Variants in LHCGR observed in about 807,000 individuals in gnomAD.
LHCGR encodes luteinizing hormone/choriogonadotropin receptor, also known as lutropin-choriogonadotropic hormone receptor.
Under a neutral mutation model 60.7 loss-of-function variants are expected in LHCGR, and 55 were observed. That is an observed-to-expected ratio of 0.91 (90% CI 0.73 to 1.13). The LOEUF (loss-of-function observed/expected upper bound fraction) is 1.13, where lower values mean the gene tolerates loss of function less well. LHCGR is among the 50% of genes most tolerant of loss of function. LHCGR has a pLI of 0.00. For missense variants in LHCGR, 862 were observed against 836.0 expected, an observed-to-expected ratio of 1.03 and a Z score of -0.38; for synonymous variants, 337 against 316.5, an observed-to-expected ratio of 1.06 and a Z score of -0.69.
chr2:48,692,224 C>A (rs568545501), intron 10 of LHCGR, among the ~76,000 whole-genome samples: 1 of 152,204 alleles, frequency 6.6e-6, no homozygotes, highest in South Asian at 2.1e-4. Context: ...TAGATGAAAA[C>A]AGTCCAGCTA....
At chr2:48,735,981 T>A (rs1182832746) in intron 1 of LHCGR, among the ~76,000 whole-genome samples, 1 of 152,130 alleles carries the variant, frequency 6.6e-6, no homozygotes, top group Non-Finnish European at 1.5e-5. Flanking sequence ...TGTTTAAAAG[T>A]GTGTAGCACC....
At chr2:48,743,808 A>G (rs1669581289) in intron 1 of LHCGR, among the ~76,000 whole-genome samples, 3 of 151,796 alleles carry the variant, frequency 2.0e-5, no homozygotes, top group Admixed American at 1.3e-4. Context: ...CTCTCTCACC[A>G]CTCCTATTCA....
At chr2:48,719,687 T>C (rs1407319366) in intron 6 of LHCGR, among the ~76,000 whole-genome samples, 2 of 152,182 alleles carry the variant, frequency 1.3e-5, no homozygotes. Context: ...ACTGAGTTTC[T>C]CCAGCATCAA....
At chr2:48,699,366 C>G (rs1009002777) in intron 8 of LHCGR, among the ~76,000 whole-genome samples, 14 of 152,096 alleles carry the variant, frequency 9.2e-5, no homozygotes, top group Admixed American at 3.9e-4. Context: ...TCTCTCTCTC[C>G]CCTCTTCCAA....
chr2:48,716,320 T>C (rs188257833), intron 6 of LHCGR, among the ~76,000 whole-genome samples: 1 of 152,362 alleles, frequency 6.6e-6, no homozygotes, highest in Non-Finnish European at 1.5e-5. Context: ...TTATGATTTA[T>C]GGTAAGAAAT....
intron 1 of LHCGR, among the ~76,000 whole-genome samples, chr2:48,743,004 A>G (rs1669538220): frequency 1.3e-5 from 2 of 152,174 alleles, no homozygotes. Flanking sequence ...AAAATGATAA[A>G]GGGGATATCA....
intron 6 of LHCGR, chr2:48,721,484 GC>G (rs1207780274): frequency 7.3e-6 from 2 of 274,066 alleles, no homozygotes; most frequent in Non-Finnish European, 1.5e-5. Flanking sequence ...ATTTTTGGTT[GC>G]TGCTCTGTAT....
intron 1 of LHCGR, among the ~76,000 whole-genome samples, chr2:48,733,496 T>C (rs1669093560): frequency 6.6e-6 from 1 of 152,198 alleles, no homozygotes; most frequent in Non-Finnish European, 1.5e-5. Context: ...GCTGAAATTT[T>C]GCAGCGTTGA....
chr2:48,731,391 G>T, intron 1 of LHCGR, 93 bp from the exon 2 acceptor site: 1 of 822,240 alleles, frequency 1.2e-6, no homozygotes, highest in East Asian at 2.5e-5. Context: ...ATGTGTGTGA[G>T]AGACAGAGAC....
chr2:48,751,493 G>C (rs1432179589), intron 1 of LHCGR, among the ~76,000 whole-genome samples: 1 of 152,144 alleles, frequency 6.6e-6, no homozygotes, highest in Non-Finnish European at 1.5e-5. Context: ...GGAGACTTCA[G>C]TTCATAGTGA....
At chr2:48,733,031 G>C (rs1669066858) in intron 1 of LHCGR, 1 of 520,710 alleles carries the variant, frequency 1.9e-6, no homozygotes, top group Admixed American at 2.0e-5. Flanking sequence ...TGTTCGCTTG[G>C]CTTCCTGATT....
chr2:48,731,801 A>G (rs570054619), intron 1 of LHCGR, among the ~76,000 whole-genome samples: 3 of 152,324 alleles, frequency 2.0e-5, no homozygotes, highest in East Asian at 3.9e-4. Context: ...GGAGACATTA[A>G]TGATGAAAAT....
At chr2:48,714,814 AC>A (rs1404404852) in intron 6 of LHCGR, among the ~76,000 whole-genome samples, 1 of 152,152 alleles carries the variant, frequency 6.6e-6, no homozygotes, top group Non-Finnish European at 1.5e-5. Flanking sequence ...TCCTTAGAAC[AC>A]AGATATGGGG....
chr2:48,690,172 G>A (rs1158331357), intron 10 of LHCGR, among the ~76,000 whole-genome samples: 2 of 152,126 alleles, frequency 1.3e-5, no homozygotes, highest in Non-Finnish European at 2.9e-5. Flanking sequence ...CCTGCCCCAG[G>A]CTCTTACTGG....
intron 4 of LHCGR, among the ~76,000 whole-genome samples, chr2:48,724,698 G>GT (rs1215270197): frequency 3.9e-5 from 6 of 152,126 alleles, no homozygotes; most frequent in African/African-American, 1.2e-4. Flanking sequence ...AGTTTCTTAT[G>GT]TTTTTTCAAA....
intron 1 of LHCGR, among the ~76,000 whole-genome samples, chr2:48,751,618 C>T (rs548224847): frequency 1.3e-5 from 2 of 152,168 alleles, no homozygotes; most frequent in African/African-American, 2.4e-5. Flanking sequence ...CACTACGGCA[C>T]TGAACACTGT....
intron 6 of LHCGR, among the ~76,000 whole-genome samples, chr2:48,722,540 T>A (rs867731202): frequency 5.3e-5 from 8 of 152,272 alleles, no homozygotes; most frequent in Middle Eastern, 6.8e-3. Flanking sequence ...GCTGTTCTTG[T>A]GATAGAGTTC....
rs1369962936 is a variant in LHCGR at position 48,745,160 on chromosome 2, C to T, written c.161+10351G>A. On this transcript the variant is annotated intron_variant, in intron 1 of 10. Transcript: ENST00000294954. ...ACCACAATGAGATACCATCTCACAC[C>T]AGTTAGAATGGCGATCATTAAAAAG... Among the ~76,000 whole-genome samples the T allele has an allele frequency of 2.0e-5, 3 of 152,304 alleles. No individual in the cohort carries two copies. The East Asian group carries it at 5.8e-4, about 29-fold the overall frequency.
chr2:48,749,720 TAA>T (rs35333492), intron 1 of LHCGR, among the ~76,000 whole-genome samples: 77 of 129,878 alleles, frequency 5.9e-4, no homozygotes, highest in East Asian at 8.9e-4. Flanking sequence ...CTTTTGAAAT[TAA>T]AAAAAAAAAA....
Sources: allele counts gnomAD v4.1 joint callset (sites outside exome capture counted in the v4.1 genomes callset), GRCh38; gene constraint gnomAD v4.1.1; transcripts MANE v1.5; gene names NCBI Gene and HGNC (gene_info 2026-07-23, HGNC 2026-07-21).